Variants in CAPZB observed in about 807,000 individuals in gnomAD.
CAPZB encodes the protein capping actin protein of muscle Z-line subunit beta, also known as F-actin-capping protein subunit beta.
CAPZB carries 2 observed loss-of-function variants against 38.1 expected under a neutral mutation model. The observed-to-expected ratio is 0.05, with a 90% confidence interval of 0.02 to 0.17. The LOEUF is 0.17. Among genes scored for constraint, CAPZB ranks in the 10% least tolerant of loss-of-function variants. The pLI, the probability that CAPZB is intolerant of heterozygous loss-of-function variation, is 1.00. For missense variants in CAPZB, 161 were observed against 334.2 expected (o/e 0.48, Z 4.04); for synonymous variants, 107 against 127.4 (o/e 0.84, Z 1.08).
intron 1 of CAPZB, among the ~76,000 whole-genome samples, chr1:19,439,477 G>A (rs957866648): frequency 6.6e-5 from 10 of 152,202 alleles, no homozygotes; most frequent in African/African-American, 2.4e-4. Context: ...TAAAGCACTA[G>A]GTGTTTTGAC....
Position 19,476,213 on chromosome 1 carries a change from T to TAGAC in CAPZB, c.3+9222_3+9223insGTCT, listed in dbSNP as rs1433654028. 1.5e-3 allele frequency among the ~76,000 whole-genome samples: 190 copies of TAGAC among 122,760 alleles called. 1 individual carries two copies. Among genetic ancestry groups the TAGAC allele is most frequent in the African/African-American group, 6.1e-3 (181 of 29,734 alleles). The allele number at this position is 122,760 out of a possible 152,430, so 80.5% of individuals were successfully genotyped here. A position where few individuals can be genotyped will look rare whatever the true frequency, so the allele number is the denominator to read the frequency against. ...ATAGATAGATAGATAGATAGATAGA[T>TAGAC]AGATAGATAGATAGGCAGGCAGGCA... On this transcript the variant is annotated intron_variant, in intron 1 of 8. Transcript: ENST00000264202.
chr1:19,482,948 T>C (rs1225415350), intron 1 of CAPZB, among the ~76,000 whole-genome samples: 1 of 152,172 alleles, frequency 6.6e-6, no homozygotes, highest in Non-Finnish European at 1.5e-5. Context: ...AACAAGTGAC[T>C]GAGAGAATGA....
At chr1:19,346,883 G>A (rs1305899184) in intron 6 of CAPZB, among the ~76,000 whole-genome samples, 1 of 146,876 alleles carries the variant, frequency 6.8e-6, no homozygotes, top group Non-Finnish European at 1.5e-5. Context: ...GAGTGCAATG[G>A]TGCAATCTTG....
At chr1:19,371,668 G>A (rs2094120091) in intron 4 of CAPZB, among the ~76,000 whole-genome samples, 1 of 151,978 alleles carries the variant, frequency 6.6e-6, no homozygotes, top group Non-Finnish European at 1.5e-5. Flanking sequence ...TTCTGCCTGG[G>A]AAGCCCCCCA....
intron 1 of CAPZB, among the ~76,000 whole-genome samples, chr1:19,460,605 T>A (rs2094548244): frequency 7.2e-6 from 1 of 138,262 alleles, no homozygotes; most frequent in Non-Finnish European, 1.6e-5. Context: ...TTTGTATTTT[T>A]GGTGGAGATG....
intron 1 of CAPZB, among the ~76,000 whole-genome samples, chr1:19,479,688 T>C (rs1378805478): frequency 6.6e-6 from 1 of 151,998 alleles, no homozygotes; most frequent in Admixed American, 6.6e-5. Flanking sequence ...CTCTCTCCCA[T>C]CTCTTTCACC....
chr1:19,444,807 A>C (rs566281262), intron 1 of CAPZB, among the ~76,000 whole-genome samples: 1 of 152,240 alleles, frequency 6.6e-6, no homozygotes, highest in East Asian at 1.9e-4. Context: ...AAGTGGCGCA[A>C]TCCTGGCTCA....
At chr1:19,462,684 G>A (rs1162169762) in intron 1 of CAPZB, among the ~76,000 whole-genome samples, 1 of 152,166 alleles carries the variant, frequency 6.6e-6, no homozygotes, top group South Asian at 2.1e-4. Context: ...CTTCAAAACA[G>A]TTAAAAACAG....
chr1:19,358,094 G>C (rs887519752), intron 4 of CAPZB, among the ~76,000 whole-genome samples: 4 of 152,200 alleles, frequency 2.6e-5, no homozygotes, highest in Admixed American at 2.6e-4. Flanking sequence ...GGCTCAGCTT[G>C]AGACAGTGCT....
chr1:19,361,151 G>C (rs1302589830), intron 4 of CAPZB, among the ~76,000 whole-genome samples: 1 of 152,172 alleles, frequency 6.6e-6, no homozygotes, highest in Non-Finnish European at 1.5e-5. Flanking sequence ...ATAGTATTCA[G>C]TCGGGTAGTA....
At chr1:19,370,180 C>T (rs1489955774) in intron 4 of CAPZB, among the ~76,000 whole-genome samples, 2 of 152,232 alleles carry the variant, frequency 1.3e-5, no homozygotes, top group African/African-American at 4.8e-5. Flanking sequence ...TGCCCACGAC[C>T]ACTGGGAATC....
chr1:19,398,466 G>A (rs1297222167), intron 2 of CAPZB, among the ~76,000 whole-genome samples: 1 of 152,186 alleles, frequency 6.6e-6, no homozygotes, highest in Admixed American at 6.5e-5. Flanking sequence ...CATGATTCCA[G>A]TAATACTTCT....
At chr1:19,386,025 G>A (rs138452495) in intron 2 of CAPZB, among the ~76,000 whole-genome samples, 2 of 152,326 alleles carry the variant, frequency 1.3e-5, no homozygotes, top group African/African-American at 4.8e-5. Flanking sequence ...AGAACTCGGA[G>A]TAGAAAAACT....
In CAPZB at chr1:19,356,023, G is replaced by T. The variant is rs1410494910; in HGVS notation, c.588+612C>A. On this transcript the variant is annotated intron_variant, in intron 6 of 8. Transcript: ENST00000264202. This position sits in a 1 kb window ranked among gnomAD's most constrained non-coding sequence, Gnocchi z 4.3. The stretch of plus-strand genomic sequence containing the variant: ...CCTGGGAACAACATCGTGGAGAAGG[G>T]TTGCTAGTGATACCCAAACAAAAGA... Among the ~76,000 whole-genome samples the T allele has an allele frequency of 6.6e-6, 1 of 152,130 alleles. No individual in the cohort carries two copies. The highest frequency in any genetic ancestry group is 6.5e-5 in the Admixed American group (1 of 15,274).
intron 1 of CAPZB, chr1:19,484,114 C>A: frequency 1.3e-6 from 2 of 1,498,478 alleles, no homozygotes; most frequent in Non-Finnish European, 1.8e-6. Flanking sequence ...CCTCAAAAGT[C>A]TGGATAGCAT....
intron 2 of CAPZB, among the ~76,000 whole-genome samples, chr1:19,387,153 T>C (rs2094208587): frequency 6.6e-6 from 1 of 152,042 alleles, no homozygotes; most frequent in Non-Finnish European, 1.5e-5. Flanking sequence ...ATTTTACAGA[T>C]TAGAGTTGAG....
At chr1:19,376,635 G>T (rs1028484949) in intron 4 of CAPZB, among the ~76,000 whole-genome samples, 5 of 152,190 alleles carry the variant, frequency 3.3e-5, no homozygotes, top group Non-Finnish European at 7.3e-5. Context: ...GAGGCCTCAT[G>T]GGCCACTCTA....
chr1:19,482,403 T>C (rs550586471), intron 1 of CAPZB, among the ~76,000 whole-genome samples: 45 of 152,226 alleles, frequency 3.0e-4, no homozygotes, highest in Non-Finnish European at 6.2e-4. Flanking sequence ...CAAGTTCCCA[T>C]CAGCTCCTGC....
At chr1:19,473,646 C>T (rs974787078) in intron 1 of CAPZB, among the ~76,000 whole-genome samples, 1 of 152,076 alleles carries the variant, frequency 6.6e-6, no homozygotes, top group Non-Finnish European at 1.5e-5. Flanking sequence ...GGTGGATCAC[C>T]TGAGGTCAGG....
Sources: allele counts gnomAD v4.1 joint callset (sites outside exome capture counted in the v4.1 genomes callset), GRCh38; gene constraint gnomAD v4.1.1; non-coding constraint Gnocchi (gnomAD v3.1); transcripts MANE v1.5; gene names NCBI Gene and HGNC (gene_info 2026-07-23, HGNC 2026-07-21).